Variants in EYA4 observed in about 807,000 individuals in gnomAD.
The protein encoded by EYA4 is EYA transcriptional coactivator and phosphatase 4.
In EYA4, 31 loss-of-function variants were observed where a neutral mutation model predicts 87.9. That is an observed-to-expected ratio of 0.35 (90% CI 0.27 to 0.48). EYA4 has a LOEUF of 0.48. Among genes scored for constraint, EYA4 ranks in the 20% least tolerant of loss-of-function variants. The pLI is 0.99. For synonymous variants in EYA4, 263 were observed against 270.6 expected (o/e 0.97, Z 0.28); for missense variants, 678 against 761.4 (o/e 0.89, Z 1.29).
intron 1 of EYA4, among the ~76,000 whole-genome samples, chr6:133,242,876 A>T (rs1423136008): frequency 6.6e-6 from 1 of 151,888 alleles, no homozygotes; most frequent in Admixed American, 6.6e-5. Context: ...CTGGGGTGAG[A>T]GTGTGTGCGG....
At chr6:133,271,395 G>C (rs1005780798) in intron 1 of EYA4, among the ~76,000 whole-genome samples, 6 of 152,168 alleles carry the variant, frequency 3.9e-5, no homozygotes, top group African/African-American at 9.7e-5. Flanking sequence ...GCCTCGGTCA[G>C]AGGCAATGCT....
At chr6:133,297,229 G>A (rs1334411073) in intron 2 of EYA4, among the ~76,000 whole-genome samples, 1 of 151,952 alleles carries the variant, frequency 6.6e-6, no homozygotes. Context: ...AACTTTATTT[G>A]TGGGAATCCC....
intron 1 of EYA4, among the ~76,000 whole-genome samples, chr6:133,244,623 G>T (rs1159369338): frequency 9.5e-6 from 1 of 105,012 alleles, no homozygotes. Context: ...AAGGCTCTTT[G>T]GGTTAAAAAA....
In EYA4 at chr6:133,531,506, G is replaced by T; in HGVS notation, c.*2701G>T. ...TGAAAAATGTTCTGTAACTAAAGTGGGTTTTCGGCTATTATGTATACAGCT... is the reference window on the plus strand; with the variant it reads ...TGAAAAATGTTCTGTAACTAAAGTGTGTTTTCGGCTATTATGTATACAGCT... On this transcript the variant is annotated 3_prime_UTR_variant, in exon 20 of 20. Transcript: ENST00000355286. 2.2e-6 allele frequency: 1 copy of T among 446,220 alleles called. No homozygotes were observed. The highest frequency in any genetic ancestry group is 4.0e-6 in the Non-Finnish European group (1 of 249,920). 27.6% of individuals were successfully genotyped at this position (446,220 alleles called of 1,614,324 possible).
chr6:133,281,321 A>AT (rs546679932), intron 2 of EYA4, among the ~76,000 whole-genome samples: 301 of 152,104 alleles, frequency 2.0e-3, no homozygotes, highest in Non-Finnish European at 3.0e-3. Flanking sequence ...CAGTTTATCT[A>AT]TTTTTTTCTT....
intron 2 of EYA4, among the ~76,000 whole-genome samples, chr6:133,362,677 C>T (rs556195496): frequency 2.0e-4 from 30 of 152,312 alleles, no homozygotes; most frequent in Middle Eastern, 6.8e-3. Context: ...TAGATGGTGT[C>T]TGTAATGATC....
intron 16 of EYA4, among the ~76,000 whole-genome samples, chr6:133,513,692 G>C (rs146403640): frequency 6.6e-6 from 1 of 152,048 alleles, no homozygotes; most frequent in Non-Finnish European, 1.5e-5. Flanking sequence ...TCCTGGATGT[G>C]CTTCTATATA....
chr6:133,503,654 A>G (rs1798331723), intron 13 of EYA4, among the ~76,000 whole-genome samples: 4 of 152,198 alleles, frequency 2.6e-5, no homozygotes. Flanking sequence ...TTCCATGACT[A>G]GGCAGAATAG....
intron 3 of EYA4, among the ~76,000 whole-genome samples, chr6:133,425,053 T>G (rs1790548978): frequency 6.6e-6 from 1 of 150,878 alleles, no homozygotes; most frequent in Non-Finnish European, 1.5e-5. Flanking sequence ...TTCCTTTTAT[T>G]GCTGAGCAGT....
intron 2 of EYA4, among the ~76,000 whole-genome samples, chr6:133,358,064 C>G (rs543292256): frequency 5.3e-4 from 81 of 152,176 alleles, no homozygotes; most frequent in African/African-American, 1.8e-3. Context: ...GAAAACAAAC[C>G]CTGAAGCGAA....
At chr6:133,468,784 A>G (rs1442147368) in intron 11 of EYA4, 53 bp downstream of exon 11, 2 of 1,577,684 alleles carry the variant, frequency 1.3e-6, no homozygotes, top group Admixed American at 1.7e-5. Context: ...AATATCTAAT[A>G]AAACGGAGAA....
intron 2 of EYA4, among the ~76,000 whole-genome samples, chr6:133,276,463 G>GTGTTA (rs1777173100): frequency 6.6e-6 from 1 of 152,158 alleles, no homozygotes; most frequent in Admixed American, 6.5e-5. Flanking sequence ...CTAAAGTGAT[G>GTGTTA]TGTTACTAAA....
chr6:133,317,402 C>G (rs898801120), intron 2 of EYA4, among the ~76,000 whole-genome samples: 2 of 152,158 alleles, frequency 1.3e-5, no homozygotes, highest in Non-Finnish European at 2.9e-5. Context: ...ACCCAGTCAT[C>G]ATTTCTCCTG....
chr6:133,416,284 G>A (rs1789705538), intron 3 of EYA4, among the ~76,000 whole-genome samples: 1 of 152,178 alleles, frequency 6.6e-6, no homozygotes, highest in Admixed American at 6.5e-5. Flanking sequence ...GCAGATAAAG[G>A]ACTGACTCAT....
chr6:133,444,608 C>T (rs1562428418), intron 3 of EYA4, among the ~76,000 whole-genome samples: 1 of 152,150 alleles, frequency 6.6e-6, no homozygotes, highest in Non-Finnish European at 1.5e-5. Flanking sequence ...TATGGTGACC[C>T]TTAGGGTAAG....
intron 2 of EYA4, among the ~76,000 whole-genome samples, chr6:133,347,347 A>G (rs553469077): frequency 8.8e-4 from 134 of 152,178 alleles, no homozygotes; most frequent in African/African-American, 3.2e-3. Flanking sequence ...AGGAAGGGTA[A>G]TTATCCTTTT....
intron 2 of EYA4, among the ~76,000 whole-genome samples, chr6:133,337,590 C>T (rs1782468620): frequency 6.6e-6 from 1 of 152,084 alleles, no homozygotes; most frequent in South Asian, 2.1e-4. Flanking sequence ...TAGTTAAACA[C>T]AGCTTAAATG....
intron 2 of EYA4, among the ~76,000 whole-genome samples, chr6:133,312,089 G>A (rs1780267800): frequency 6.6e-6 from 1 of 152,132 alleles, no homozygotes; most frequent in South Asian, 2.1e-4. Flanking sequence ...CAGGAGGTTG[G>A]GGTGTTTGTG....
intron 2 of EYA4, among the ~76,000 whole-genome samples, chr6:133,302,730 T>C (rs1457824383): frequency 6.6e-6 from 1 of 152,198 alleles, no homozygotes; most frequent in African/African-American, 2.4e-5. Context: ...CATGAACAGA[T>C]GATAGTGTTA....
Sources: allele counts gnomAD v4.1 joint callset (sites outside exome capture counted in the v4.1 genomes callset), GRCh38; gene constraint gnomAD v4.1.1; transcripts MANE v1.5; gene names NCBI Gene and HGNC (gene_info 2026-07-23, HGNC 2026-07-21).